Variants in NDUFA10 observed in about 807,000 individuals in gnomAD.
NDUFA10 encodes NADH dehydrogenase [ubiquinone] 1 alpha subcomplex subunit 10, mitochondrial.
A neutral mutation model predicts 47.8 loss-of-function variants in NDUFA10; 40 were observed. That is an observed-to-expected ratio of 0.84 (90% CI 0.65 to 1.09). The LOEUF is 1.09. NDUFA10 is among the 50% of genes least tolerant of loss of function. The pLI, the probability that NDUFA10 is intolerant of heterozygous loss-of-function variation, is 0.00. For missense variants in NDUFA10, 413 were observed against 451.1 expected (o/e 0.92, Z 0.76); for synonymous variants, 183 against 172.2 (o/e 1.06, Z -0.49).
intron 9 of NDUFA10, among the ~76,000 whole-genome samples, chr2:239,989,133 C>T (rs143956350): frequency 9.2e-5 from 14 of 152,346 alleles, no homozygotes; most frequent in African/African-American, 3.4e-4. Flanking sequence ...GATTATTAAC[C>T]GCAGGTGCCT....
At chr2:239,995,956 C>G (rs1200248611) in intron 8 of NDUFA10, among the ~76,000 whole-genome samples, 2 of 151,994 alleles carry the variant, frequency 1.3e-5, no homozygotes, top group Non-Finnish European at 1.5e-5. Context: ...CTAATAGAAC[C>G]CAAGGGAGAA....
chr2:239,902,591 C>G (rs1339925154), intron 4 of NDUFA10, among the ~76,000 whole-genome samples: 1 of 152,154 alleles, frequency 6.6e-6, no homozygotes, highest in African/African-American at 2.4e-5. Flanking sequence ...GAACTGAACC[C>G]GCAATACCCC....
At chr2:240,024,846 A>G (rs772070298) in intron 1 of NDUFA10, among the ~76,000 whole-genome samples, 6 of 152,252 alleles carry the variant, frequency 3.9e-5, no homozygotes, top group Non-Finnish European at 8.8e-5. Context: ...GCATCACCCA[A>G]GCACCCAGCA....
intron 7 of NDUFA10, among the ~76,000 whole-genome samples, chr2:240,006,816 C>A (rs942220536): frequency 6.6e-6 from 1 of 152,174 alleles, no homozygotes; most frequent in African/African-American, 2.4e-5. Flanking sequence ...TGCATTAACA[C>A]CACAATGCTC....
chr2:239,940,993 AG>A (rs2106378560), intron 4 of NDUFA10, among the ~76,000 whole-genome samples: 1 of 152,312 alleles, frequency 6.6e-6, no homozygotes, highest in East Asian at 1.9e-4. Flanking sequence ...TCCATGTGTG[AG>A]GTTCTTCCTG....
In NDUFA10 at chr2:239,958,447, A is replaced by C. The variant is rs1694720692; in HGVS notation, c.*2671T>G. 1 of 152,272 alleles carries C rather than the reference A, an allele frequency of 6.6e-6. No individual in the cohort carries two copies. Among genetic ancestry groups the C allele is most frequent in the South Asian group, 2.1e-4 (1 of 4,834 alleles). The allele number at this position is 152,272 out of a possible 1,614,324, so 9.4% of individuals were successfully genotyped here. On this transcript the variant is annotated 3_prime_UTR_variant, in exon 10 of 10. Transcript: ENST00000252711. ...CTTCCACTTCTGCTGTAGCAGAGAA[A>C]CCACCACGAATTCAATTGAAGCGGC... is the stretch of plus-strand genomic sequence containing the variant.
chr2:239,899,395 GAGGTATGATGCAGAGGTGTGATGGA>G (rs1693494104), intron 4 of NDUFA10, among the ~76,000 whole-genome samples: 1 of 85,458 alleles, frequency 1.2e-5, no homozygotes, highest in Non-Finnish European at 2.6e-5. Context: ...GTGTGGTGGA[GAGGTATGATGCAGAGGTGTGATGGA>G]GGGGTGTGAT....
At chr2:239,988,546 G>A (rs1252970654) in intron 9 of NDUFA10, among the ~76,000 whole-genome samples, 2 of 152,168 alleles carry the variant, frequency 1.3e-5, no homozygotes. Flanking sequence ...AGGACTGAGG[G>A]CAGAGACTAA....
rs144169056 is a variant in NDUFA10 at position 239,967,460 on chromosome 2, G to A, written c.1000-6274C>T. 8.3e-4 allele frequency among the ~76,000 whole-genome samples: 127 copies of A among 152,300 alleles called. 2 individuals are homozygous for A. In the South Asian group the frequency reaches 0.014, roughly 17 times the overall value. ...GCGGCTGTGAGAGGCTGTGTGGCCCGCAGAGCTGGGAACCTTTACTCTCTG... is the reference window on the plus strand; with the variant it reads ...GCGGCTGTGAGAGGCTGTGTGGCCCACAGAGCTGGGAACCTTTACTCTCTG... On this transcript the variant is annotated intron_variant, in intron 9 of 9. Coordinates refer to ENST00000252711, the MANE Select transcript of NDUFA10 (RefSeq NM_004544.4).
downstream of NDUFA10, among the ~76,000 whole-genome samples, chr2:239,956,339 G>C (rs1023035612): frequency 6.6e-6 from 1 of 152,230 alleles, no homozygotes; most frequent in Non-Finnish European, 1.5e-5. Flanking sequence ...CACGGGATGA[G>C]GCCATGACCA....
At position 239,967,237 on chromosome 2, in the gene NDUFA10, T is replaced by C. The variant is rs183799855; in HGVS notation, c.1000-6051A>G. Among the ~76,000 whole-genome samples the C allele has an allele frequency of 6.6e-5, 10 of 152,374 alleles. No individual in the cohort carries two copies. The East Asian group carries it at 1.3e-3, about 21-fold the overall frequency. ...TATGCTGCTGCTTACACTTCGGGGC[T>C]GATTCAGAGCCTTGGTTTCTCGTTA... On this transcript the variant is annotated intron_variant, in intron 9 of 9. Transcript: ENST00000252711.
intron 9 of NDUFA10, among the ~76,000 whole-genome samples, chr2:239,965,569 C>T (rs1439075546): frequency 1.3e-5 from 2 of 152,208 alleles, no homozygotes; most frequent in African/African-American, 2.4e-5. Flanking sequence ...CACGCTTTCC[C>T]GGATCTGCTC....
chr2:239,935,345 T>G (rs1395556130), intron 4 of NDUFA10, among the ~76,000 whole-genome samples: 1 of 152,194 alleles, frequency 6.6e-6, no homozygotes, highest in African/African-American at 2.4e-5. Flanking sequence ...GTAATGTGGA[T>G]GGTGACCGGT....
rs1472256412 is a variant in NDUFA10 at position 239,979,839 on chromosome 2, G to C, written c.999+10235C>G. Among the ~76,000 whole-genome samples the C allele has an allele frequency of 2.0e-5, 3 of 152,240 alleles. No homozygotes were observed. The South Asian group carries it at 6.2e-4, about 32-fold the overall frequency. On this transcript the variant is annotated intron_variant, in intron 9 of 9. Coordinates refer to ENST00000252711, the MANE Select transcript of NDUFA10 (RefSeq NM_004544.4). ...CCCGTGGCAGCTGCGGACCCCGGCT[G>C]ACCTTGGCCTGCTGCCTTTTCAGCT...
downstream of NDUFA10, among the ~76,000 whole-genome samples, chr2:239,956,204 G>T (rs987272636): frequency 6.6e-6 from 1 of 152,086 alleles, no homozygotes; most frequent in Admixed American, 6.5e-5. Flanking sequence ...GGGCTCCAGC[G>T]CCTACACTTG....
chr2:239,895,568 A>G (rs1693377218), intron 4 of NDUFA10, among the ~76,000 whole-genome samples: 1 of 152,228 alleles, frequency 6.6e-6, no homozygotes, highest in South Asian at 2.1e-4. Context: ...CTAATAATTT[A>G]CCATTGTTAT....
At chr2:239,968,295 C>T (rs889108342) in intron 9 of NDUFA10, among the ~76,000 whole-genome samples, 2 of 152,200 alleles carry the variant, frequency 1.3e-5, no homozygotes, top group African/African-American at 2.4e-5. Flanking sequence ...AGCAAATGCA[C>T]GCAATGCGCA....
chr2:240,007,461 TC>T (rs963456675), intron 6 of NDUFA10, 91 bp from the exon 7 acceptor site: 1 of 930,016 alleles, frequency 1.1e-6, no homozygotes, highest in African/African-American at 1.6e-5. Context: ...AGTCTCCTGC[TC>T]AAATTTAAAA....
intron 6 of NDUFA10, among the ~76,000 whole-genome samples, chr2:240,007,744 G>T (rs893947919): frequency 1.3e-5 from 2 of 152,194 alleles, no homozygotes; most frequent in Non-Finnish European, 2.9e-5. Context: ...CCCGCTGCAC[G>T]GAAGGACAAC....
Sources: gnomAD v4.1 joint callset for allele counts (sites outside exome capture counted in the v4.1 genomes callset) on GRCh38, gnomAD v4.1.1 for gene constraint, MANE v1.5 for transcripts, NCBI Gene and HGNC (gene_info 2026-07-23, HGNC 2026-07-21) for gene names.